ANO2: variants seen among roughly 807,000 people sequenced by gnomAD.
ANO2 encodes anoctamin-2.
In ANO2, 101 loss-of-function variants were observed where a neutral mutation model predicts 124.2. The observed-to-expected ratio is 0.81, with a 90% CI of 0.69 to 0.96. The LOEUF (loss-of-function observed/expected upper bound fraction) is 0.96. Among genes scored for constraint, ANO2 ranks in the 40% least tolerant of loss-of-function variants. The pLI, the probability that ANO2 is intolerant of heterozygous loss-of-function variation, is 0.00. For synonymous variants in ANO2, 486 were observed against 482.5 expected, an observed-to-expected ratio of 1.01 and a Z score of -0.09; for missense variants, 1,293 against 1,274.5, an observed-to-expected ratio of 1.01 and a Z score of -0.22.
At chr12:5,576,271 G>A (rs184737073) in intron 22 of ANO2, among the ~76,000 whole-genome samples, 75 of 152,272 alleles carry the variant, frequency 4.9e-4, no homozygotes, top group African/African-American at 1.8e-3. Context: ...AAGTCAATTT[G>A]GACCATTTGG....
chr12:5,792,183 T>G (rs549250976), intron 10 of ANO2, among the ~76,000 whole-genome samples: 57 of 152,286 alleles, frequency 3.7e-4, no homozygotes, highest in Non-Finnish European at 6.3e-4. Context: ...GAAACAAATC[T>G]GGAGGTAAAA....
intron 23 of ANO2, among the ~76,000 whole-genome samples, chr12:5,568,589 C>T (rs1234858953): frequency 2.6e-5 from 4 of 152,100 alleles, no homozygotes; most frequent in Non-Finnish European, 5.9e-5. Context: ...CCTAAGAAGT[C>T]GGGCTTATCA....
intron 3 of ANO2, among the ~76,000 whole-genome samples, chr12:5,909,712 A>G (rs1032565056): frequency 6.6e-6 from 1 of 152,236 alleles, no homozygotes; most frequent in East Asian, 1.9e-4. Context: ...GTGCACCTGC[A>G]GCAGGACTCT....
At chr12:5,654,323 A>G (rs1376590349) in intron 14 of ANO2, among the ~76,000 whole-genome samples, 2 of 152,198 alleles carry the variant, frequency 1.3e-5, no homozygotes, top group African/African-American at 4.8e-5. Context: ...TTCCTTTATA[A>G]GGAATGGTTG....
intron 20 of ANO2, among the ~76,000 whole-genome samples, chr12:5,582,774 T>A (rs1942821344): frequency 6.6e-6 from 1 of 152,230 alleles, no homozygotes; most frequent in Admixed American, 6.5e-5. Context: ...TCTACATTTC[T>A]GAGCCTTGGT....
At chr12:5,675,664 G>A (rs1326839886) in intron 14 of ANO2, among the ~76,000 whole-genome samples, 2 of 152,174 alleles carry the variant, frequency 1.3e-5, no homozygotes, top group Non-Finnish European at 2.9e-5. Context: ...CCCTAAGGTT[G>A]GGATACAGGA....
intron 3 of ANO2, among the ~76,000 whole-genome samples, chr12:5,875,045 A>G (rs1464741421): frequency 6.6e-6 from 1 of 152,234 alleles, no homozygotes; most frequent in Non-Finnish European, 1.5e-5. Context: ...GACAGGCTTT[A>G]CTGATAGACA....
At chr12:5,639,160 A>G (rs1166608364) in intron 15 of ANO2, among the ~76,000 whole-genome samples, 1 of 152,210 alleles carries the variant, frequency 6.6e-6, no homozygotes, top group Non-Finnish European at 1.5e-5. Context: ...CTTTCCAGAA[A>G]AGGGAAGAGG....
chr12:5,589,225 C>T (rs576647040), intron 20 of ANO2, among the ~76,000 whole-genome samples: 5 of 152,170 alleles, frequency 3.3e-5, no homozygotes, highest in Non-Finnish European at 2.9e-5. Flanking sequence ...CTTTGAACTG[C>T]ATGGGTGGGT....
At chr12:5,564,171 C>T (rs1399949768) in intron 24 of ANO2, among the ~76,000 whole-genome samples, 2 of 152,200 alleles carry the variant, frequency 1.3e-5, no homozygotes, top group South Asian at 2.1e-4. Flanking sequence ...GCAGCCACCT[C>T]GGCTAACCCT....
intron 10 of ANO2, among the ~76,000 whole-genome samples, chr12:5,778,658 T>C (rs991356715): frequency 3.3e-5 from 5 of 152,186 alleles, no homozygotes; most frequent in Non-Finnish European, 7.3e-5. Context: ...AGCAGACTCT[T>C]AGAAGCAATG....
intron 15 of ANO2, among the ~76,000 whole-genome samples, chr12:5,640,302 G>A (rs1263047232): frequency 1.3e-5 from 2 of 152,174 alleles, no homozygotes; most frequent in Middle Eastern, 3.2e-3. Context: ...TACGGTAGGT[G>A]TCTTTGGCTT....
intron 10 of ANO2, among the ~76,000 whole-genome samples, chr12:5,754,882 TTC>T (rs1193523947): frequency 6.6e-5 from 10 of 152,106 alleles, no homozygotes; most frequent in African/African-American, 2.4e-4. Flanking sequence ...TTTTTTGTTT[TTC>T]TGTTTTCATA....
intron 4 of ANO2, chr12:5,836,908 T>G (rs1053601838): frequency 7.1e-5 from 11 of 154,432 alleles, no homozygotes; most frequent in Non-Finnish European, 1.6e-4. Flanking sequence ...GAGTGATTGA[T>G]GAATGTCCAG....
At chr12:5,903,646 G>GATGT (rs1940465840) in intron 3 of ANO2, among the ~76,000 whole-genome samples, 1 of 78,658 alleles carries the variant, frequency 1.3e-5, no homozygotes, top group Non-Finnish European at 2.5e-5. Context: ...GATGTGCAAA[G>GATGT]ATGTGTGTGT....
Position 5,866,229 on chromosome 12 carries a change from C to G in ANO2, c.535-12088G>C, listed in dbSNP as rs537915833. 2.6e-5 allele frequency among the ~76,000 whole-genome samples: 4 copies of G among 152,314 alleles called. 1 individual carries two copies. The highest frequency in any genetic ancestry group is 9.6e-5 in the African/African-American group (4 of 41,572). ...CCTTCCGTCAGACTCTGGGGGATAA[C>G]AGTGGCCATCGATTCACTCCATAAA... On this transcript the variant is annotated intron_variant, in intron 3 of 24. Coordinates refer to ENST00000682330, the MANE Select transcript of ANO2 (RefSeq NM_001364791.2).
intron 4 of ANO2, among the ~76,000 whole-genome samples, chr12:5,850,500 AG>A (rs1202875294): frequency 6.6e-6 from 1 of 152,008 alleles, no homozygotes; most frequent in African/African-American, 2.4e-5. Context: ...CCCTGAGTCG[AG>A]TCTGGGACCA....
chr12:5,689,702 G>T (rs989040230), intron 14 of ANO2, among the ~76,000 whole-genome samples: 1 of 152,112 alleles, frequency 6.6e-6, no homozygotes, highest in African/African-American at 2.4e-5. Flanking sequence ...CTCCTGTAGG[G>T]GAAGCCTACA....
Position 5,599,472 on chromosome 12 carries a change from A to G in ANO2, c.2233+12T>C, listed in dbSNP as rs1255520854. 6.3e-7 allele frequency: 1 copy of G among 1,596,342 alleles called. No individual in the cohort carries two copies. The highest frequency in any genetic ancestry group is 1.8e-5 in the Admixed American group (1 of 55,026). On this transcript the variant is annotated intron_variant, in intron 20 of 24. Coordinates refer to ENST00000682330, the MANE Select transcript of ANO2 (RefSeq NM_001364791.2). ...CCTGCCCCCAGTGGAAGGCAGGACC[A>G]TGGGTTCTCACTCATTTCCATGTAC...
Sources: allele counts gnomAD v4.1 joint callset (sites outside exome capture counted in the v4.1 genomes callset), GRCh38; gene constraint gnomAD v4.1.1; transcripts MANE v1.5; gene names NCBI Gene and HGNC (gene_info 2026-07-23, HGNC 2026-07-21).